The following ZNF658 variants were observed in gnomAD, a reference collection of about 807,000 sequenced individuals.
The protein encoded by ZNF658 is zinc finger protein 658.
Under a neutral mutation model 78.0 loss-of-function variants are expected in ZNF658, and 46 were observed. The observed-to-expected ratio is 0.59, with a 90% CI of 0.47 to 0.75. ZNF658 has a LOEUF of 0.75. ZNF658 is among the 30% of genes least tolerant of loss of function. ZNF658 has a pLI of 0.00. For synonymous variants in ZNF658, 279 were observed against 408.4 expected, an observed-to-expected ratio of 0.68 and a Z score of 3.82; for missense variants, 785 against 1,189.3, an observed-to-expected ratio of 0.66 and a Z score of 5.00.
At chr9:66,917,311 G>A (rs925680407) in intron 4 of ZNF658, among the ~76,000 whole-genome samples, 1 of 148,556 alleles carries the variant, frequency 6.7e-6, no homozygotes, top group Non-Finnish European at 1.5e-5. Flanking sequence ...ACTGGCCCCG[G>A]AAATAATACC....
At chr9:66,907,829 C>T (rs1450260536) in intron 2 of ZNF658, among the ~76,000 whole-genome samples, 5 of 152,002 alleles carry the variant, frequency 3.3e-5, no homozygotes, top group Non-Finnish European at 7.4e-5. Flanking sequence ...TGCTCTTCAC[C>T]TGCTCTACCC....
In ZNF658 at chr9:66,921,011, C is replaced by T; in HGVS notation, c.*265C>T. On this transcript the variant is annotated 3_prime_UTR_variant, in exon 5 of 5. Transcript: ENST00000621410. ...ATGGATTTGGAGGTTATTTCTGCAG[C>T]AAACTTGGGTCCTGTGTGTTCAAAA... is the stretch of plus-strand genomic sequence containing the variant. 1 of 521,078 alleles carries T rather than the reference C, an allele frequency of 1.9e-6. No homozygotes were observed. The highest frequency in any genetic ancestry group is 2.3e-5 in the South Asian group (1 of 44,312). The allele number at this position is 521,078 out of a possible 1,614,324, so 32.3% of individuals were successfully genotyped here.
intron 4 of ZNF658, among the ~76,000 whole-genome samples, chr9:66,909,189 A>G (rs1822155119): frequency 6.6e-6 from 1 of 152,064 alleles, no homozygotes; most frequent in South Asian, 2.1e-4. Context: ...GTATATGCAG[A>G]CATCACCACA....
intron 3 of ZNF658, 23 bp downstream of exon 3, chr9:66,908,387 C>T: frequency 6.2e-7 from 1 of 1,613,928 alleles, no homozygotes; most frequent in South Asian, 1.1e-5. Context: ...TACCATGGGG[C>T]TCTCTCGAGA....
At chr9:66,917,725 C>G in intron 4 of ZNF658, 80 bp from the exon 5 acceptor site, 3 of 1,458,850 alleles carry the variant, frequency 2.1e-6, no homozygotes, top group Non-Finnish European at 1.8e-6. Context: ...AAACCAAAAC[C>G]AAAATCAAAA....
At position 66,919,776 on chromosome 9, in the gene ZNF658, C is replaced by T; in HGVS notation, c.2210C>T (p.Thr737Ile). ...SALRAHQNIH[T>I]GEKLYECSEC... ...CTTAGAGCACATCAGAATATCCACA[C>T]AGGGGAGAAACTCTATGAATGTAGT... The change falls in exon 5 of 5, where the codon ACA (threonine) becomes ATA (isoleucine). Residue 737 changes from threonine (T) to isoleucine (I), a missense_variant. This residue lies in a region of ZNF658 where 75 missense variants were observed against 147.1 expected (regional missense o/e 0.51). Coordinates refer to ENST00000621410, the MANE Select transcript of ZNF658 (RefSeq NM_033160.7). 1 of 1,611,434 alleles carries T rather than the reference C, an allele frequency of 6.2e-7. No individual in the cohort carries two copies. Among genetic ancestry groups the T allele is most frequent in the Non-Finnish European group, 8.5e-7 (1 of 1,179,698 alleles).
chr9:66,908,836 C>T (rs1822145927), intron 4 of ZNF658, 102 bp downstream of exon 4: 1 of 683,860 alleles, frequency 1.5e-6, no homozygotes, highest in African/African-American at 1.8e-5. Flanking sequence ...AGATATAATT[C>T]ACATGCCTAC....
chr9:66,903,773 T>G (rs1224876484), intron 2 of ZNF658, among the ~76,000 whole-genome samples, 197 bp downstream of exon 2: 1 of 152,132 alleles, frequency 6.6e-6, no homozygotes, highest in African/African-American at 2.4e-5. Context: ...TTTACCAAAT[T>G]AAGCTTCAGA....
chr9:66,923,171 C>A (rs1434685463), downstream of ZNF658, among the ~76,000 whole-genome samples: 9 of 147,602 alleles, frequency 6.1e-5, no homozygotes, highest in African/African-American at 2.0e-4. Flanking sequence ...GAGCCCCTGG[C>A]AAACCACTGG....
At chr9:66,907,299 G>A (rs573358585) in intron 2 of ZNF658, among the ~76,000 whole-genome samples, 4 of 152,096 alleles carry the variant, frequency 2.6e-5, no homozygotes, top group Non-Finnish European at 5.9e-5. Flanking sequence ...TTCTAGCTAC[G>A]TATCAACATG....
In ZNF658 at chr9:66,908,511, T is replaced by C. The variant is rs1238757001; in HGVS notation, c.143-128T>C. The C allele has an allele frequency of 6.9e-6, 10 of 1,450,854 alleles. No individual in the cohort carries two copies. In the South Asian group the frequency reaches 9.8e-5, roughly 14 times the overall value. 89.9% of individuals were successfully genotyped at this position (1,450,854 alleles called of 1,614,324 possible). ...AACCTTTACAGAAACAAAAGCAACA[T>C]GTCATTACTTTCCCATTAAAAATTT... is the stretch of plus-strand genomic sequence containing the variant. On this transcript the variant is annotated intron_variant, in intron 3 of 4. Transcript: ENST00000621410.
chr9:66,920,312 G>A lies in ZNF658; in HGVS notation c.2746G>A (p.Gly916Arg). The A allele has an allele frequency of 1.2e-6, 2 of 1,613,818 alleles. No homozygotes were observed. The highest frequency in any genetic ancestry group is 1.7e-6 in the Non-Finnish European group (2 of 1,179,920). ...GEKPYECSEC[G>R]KTFSEKSYVS... is the part of the protein sequence containing the mutation. ...GAAACCCTATGAATGCAGTGAATGT[G>A]GGAAAACCTTCTCTGAGAAGTCATA... Residue 916 changes from glycine (G) to arginine (R), a missense_variant, in exon 5 of 5, where the codon GGG (glycine) becomes AGG (arginine). Gly to Arg is a moderately radical substitution (Grantham distance 125). Transcript: ENST00000621410.
At chr9:66,915,397 T>TAA (rs200943142) in intron 4 of ZNF658, among the ~76,000 whole-genome samples, 1 of 143,022 alleles carries the variant, frequency 7.0e-6, no homozygotes. Flanking sequence ...CTTTTATAGT[T>TAA]AAAAAAAAAA....
chr9:66,918,828 T>G lies in ZNF658; in HGVS notation c.1262T>G (p.Phe421Cys). Residue 421 changes from phenylalanine (F) to cysteine (C), a missense_variant, in exon 5 of 5, where the codon TTT (phenylalanine) becomes TGT (cysteine). Physicochemically the swap from Phe to Cys is radical, Grantham distance 205 (BLOSUM62 -2). Transcript: ENST00000621410. ...TYQYEECAKS[F>C]CSSSHPIQHP... Reference sequence around the variant, plus strand: ...CAATATGAGGAATGTGCAAAATCCTTTTGTTCAAGTTCACATCCTATTCAG... The same window carrying G: ...CAATATGAGGAATGTGCAAAATCCTGTTGTTCAAGTTCACATCCTATTCAG... 6.2e-7 allele frequency: 1 copy of G among 1,612,728 alleles called. No homozygotes were observed. The highest frequency in any genetic ancestry group is 1.1e-5 in the South Asian group (1 of 90,998).
Position 66,918,137 on chromosome 9 carries a change from C to G in ZNF658, c.571C>G (p.His191Asp), listed in dbSNP as rs1478620370. Residue 191 changes from histidine (H) to aspartate (D), a missense_variant, in exon 5 of 5, where the codon CAT becomes GAT. Transcript: ENST00000621410. ...KAHAEEKSYE[H>D]GENAKAFSYK... ...TCATGCTGAAGAGAAATCTTATGAACATGGTGAAAATGCTAAAGCTTTCAG... is the reference window on the plus strand; with the variant it reads ...TCATGCTGAAGAGAAATCTTATGAAGATGGTGAAAATGCTAAAGCTTTCAG... 6.3e-7 allele frequency: 1 copy of G among 1,594,964 alleles called. No homozygotes were observed. Among genetic ancestry groups the G allele is most frequent in the Non-Finnish European group, 8.5e-7 (1 of 1,174,848 alleles).
rs10608839 is a variant in ZNF658, at chr9:66,915,053, G to GCACACACACACA, written c.239-2723_239-2712dup. 2.8e-5 allele frequency among the ~76,000 whole-genome samples: 4 copies of GCACACACACACA among 144,124 alleles called. No individual in the cohort carries two copies. The South Asian group carries it at 8.9e-4, about 32-fold the overall frequency. The allele number at this position is 144,124 out of a possible 152,430, so 94.6% of individuals were successfully genotyped here. A position where few individuals can be genotyped will look rare whatever the true frequency, so the allele number is the denominator to read the frequency against. ...GGTCCAGAAGTTGTTCTTTGGAATT[G>GCACACACACACA]CACACACACACACACACACACACAC... On this transcript the variant is annotated intron_variant, in intron 4 of 4. Transcript: ENST00000621410.
At chr9:66,921,542 A>G (rs1440617347), downstream of ZNF658, 2 of 151,938 alleles carry the variant, frequency 1.3e-5, no homozygotes, top group Admixed American at 6.6e-5. Flanking sequence ...CAAAAATTTT[A>G]TAGAACATAT....
chr9:66,922,262 G>C (rs1380097382), downstream of ZNF658, among the ~76,000 whole-genome samples: 1 of 151,532 alleles, frequency 6.6e-6, no homozygotes, highest in Non-Finnish European at 1.5e-5. Context: ...GGCTACCCTT[G>C]GCTAGGAAAG....
At position 66,918,380 on chromosome 9, in the gene ZNF658, C is replaced by T. The variant is rs755074346; in HGVS notation, c.814C>T (p.Leu272Phe). Residue 272 changes from leucine to phenylalanine, a missense_variant, in exon 5 of 5, where the codon CTT (leucine) becomes TTT (phenylalanine). This residue lies in a region of ZNF658 where 393 missense variants were observed against 400.2 expected (regional missense o/e 0.98). Transcript: ENST00000621410. Reference sequence around the variant, plus strand: ...TGACACAAGGGGGAAATGCTCTGATCTTAATGAATATGGGACATCCTGTGA... The same window carrying T: ...TGACACAAGGGGGAAATGCTCTGATTTTAATGAATATGGGACATCCTGTGA... The part of the protein sequence containing the change: ...RTDTRGKCSD[L>F]NEYGTSCDKT... 8.1e-6 allele frequency: 13 copies of T among 1,613,650 alleles called. No homozygotes were observed. The highest frequency in any genetic ancestry group is 1.7e-5 in the Admixed American group (1 of 59,972).
Sources: gnomAD v4.1 joint callset for allele counts (sites outside exome capture counted in the v4.1 genomes callset) on GRCh38, gnomAD v4.1.1 for gene constraint, gnomAD v4.1.1 regional missense constraint, MANE v1.5 for transcripts, NCBI Gene and HGNC (gene_info 2026-07-23, HGNC 2026-07-21) for gene names.